The following C2CD2 variants were observed in gnomAD, a reference collection of about 807,000 sequenced individuals.
C2CD2 encodes C2 domain-containing protein 2.
Under a neutral mutation model 74.3 loss-of-function variants are expected in C2CD2, and 43 were observed. The observed-to-expected ratio is 0.58, with a 90% CI of 0.45 to 0.75. The LOEUF (loss-of-function observed/expected upper bound fraction) is 0.75. Among genes scored for constraint, C2CD2 ranks in the 30% least tolerant of loss-of-function variants. C2CD2 has a pLI of 0.00. For missense variants in C2CD2, 801 were observed against 916.3 expected, an observed-to-expected ratio of 0.87 and a Z score of 1.63; for synonymous variants, 422 against 390.7, an observed-to-expected ratio of 1.08 and a Z score of -0.94.
intron 6 of C2CD2, 72 bp downstream of exon 6, chr21:41,914,526 C>T (rs2065065426): frequency 3.5e-6 from 5 of 1,414,856 alleles, no homozygotes; most frequent in Admixed American, 2.2e-5. Flanking sequence ...ATCCAAGGCC[C>T]CCCGGAGCCC....
intron 2 of C2CD2, among the ~76,000 whole-genome samples, chr21:41,928,794 C>A (rs982376093): frequency 2.6e-5 from 4 of 152,082 alleles, no homozygotes; most frequent in Non-Finnish European, 5.9e-5. Flanking sequence ...TGGGTTTCCC[C>A]TAGAGAGGAT....
intron 3 of C2CD2, among the ~76,000 whole-genome samples, chr21:41,920,893 G>C (rs1293634890): frequency 6.6e-6 from 1 of 152,154 alleles, no homozygotes. Context: ...TCAAATGTTG[G>C]GTAAATATGA....
At chr21:41,919,742 C>G (rs1004784399) in intron 3 of C2CD2, among the ~76,000 whole-genome samples, 5 of 152,204 alleles carry the variant, frequency 3.3e-5, no homozygotes, top group African/African-American at 1.2e-4. Context: ...TCTAAGGATG[C>G]CTCATCCCAC....
chr21:41,902,861 C>T (rs939900287), intron 11 of C2CD2, among the ~76,000 whole-genome samples: 5 of 152,132 alleles, frequency 3.3e-5, no homozygotes, highest in Admixed American at 6.5e-5. Context: ...TAATAAGCCC[C>T]TGCACCCCAT....
chr21:41,887,744 G>A lies in C2CD2; in HGVS notation c.*1380C>T, dbSNP rs2064701717. On this transcript the variant is annotated 3_prime_UTR_variant, in exon 14 of 14. Coordinates refer to ENST00000380486, the MANE Select transcript of C2CD2 (RefSeq NM_015500.2). ...TGTTTAAGGATTAACAAGAGGCTAC[G>A]GAAGGAAGCTTGCCCATTTCCGTCT... 1 of 152,232 alleles carries A rather than the reference G, an allele frequency of 6.6e-6. No individual in the cohort carries two copies. Among genetic ancestry groups the A allele is most frequent in the East Asian group, 1.9e-4 (1 of 5,186 alleles). 9.4% of individuals were successfully genotyped at this position (152,232 alleles called of 1,614,324 possible).
At chr21:41,951,669 T>C (rs73221456) in intron 1 of C2CD2, among the ~76,000 whole-genome samples, 9,240 of 152,280 alleles carry the variant, frequency 0.061, 364 homozygotes, top group African/African-American at 0.11. Flanking sequence ...CAAATATTTC[T>C]TTCAGTGTTC....
At chr21:41,913,175 T>C (rs1392929573) in intron 6 of C2CD2, among the ~76,000 whole-genome samples, 1 of 151,038 alleles carries the variant, frequency 6.6e-6, no homozygotes, top group Non-Finnish European at 1.5e-5. Flanking sequence ...CCTCACAGAG[T>C]TCCCATTTCC....
At chr21:41,942,321 T>C in intron 1 of C2CD2, 76 bp from the exon 2 acceptor site, 1 of 1,150,232 alleles carries the variant, frequency 8.7e-7, no homozygotes, top group East Asian at 2.6e-5. Flanking sequence ...CTGTTTAAAG[T>C]TCTGAAAAAT....
Position 41,947,112 on chromosome 21 carries a change from T to TTCTCTCTCTCTCTCTCTCTCTCTCTC in C2CD2, c.280-4893_280-4868dup, listed in dbSNP as rs147753254. ...TTTCTTTCTTTCTTTCCTTTCTCTT[T>TTCTCTCTCTCTCTCTCTCTCTCTCTC]TCTCTCTCTCTCTCTCTCTCTCTCT... On this transcript the variant is annotated intron_variant, in intron 1 of 13. Coordinates refer to ENST00000380486, the MANE Select transcript of C2CD2 (RefSeq NM_015500.2). Among the ~76,000 whole-genome samples, 181 of 26,190 alleles carry TTCTCTCTCTCTCTCTCTCTCTCTCTC rather than the reference T, an allele frequency of 6.9e-3. 25 individuals are homozygous for TTCTCTCTCTCTCTCTCTCTCTCTCTC. The highest frequency in any genetic ancestry group is 9.2e-3 in the Non-Finnish European group (101 of 11,024). The allele number at this position is 26,190 out of a possible 152,430, so 17.2% of individuals were successfully genotyped here.
chr21:41,914,352 T>C (rs2065063536), intron 6 of C2CD2, among the ~76,000 whole-genome samples: 1 of 146,524 alleles, frequency 6.8e-6, no homozygotes, highest in African/African-American at 2.5e-5. Flanking sequence ...TCCAGACAAA[T>C]GAAAAAGGCC....
rs919910016 is a variant in C2CD2, at chr21:41,891,503, A to G, written c.1871-2159T>C. 2.0e-5 allele frequency among the ~76,000 whole-genome samples: 3 copies of G among 152,224 alleles called. No homozygotes were observed. The East Asian group carries it at 5.8e-4, about 29-fold the overall frequency. On this transcript the variant is annotated intron_variant, in intron 13 of 13. Transcript: ENST00000380486. Reference sequence around the variant, plus strand: ...CACCTGCTGGGGAAATGCCCTGGGCATGGTGATAGGGGCTCCCAGGCAGAG... The same window carrying G: ...CACCTGCTGGGGAAATGCCCTGGGCGTGGTGATAGGGGCTCCCAGGCAGAG...
chr21:41,943,437 G>T (rs533666562), intron 1 of C2CD2, among the ~76,000 whole-genome samples: 6 of 152,310 alleles, frequency 3.9e-5, no homozygotes, highest in Middle Eastern at 3.4e-3. Flanking sequence ...CTCTCGAGAG[G>T]CCAAACGTGT....
intron 1 of C2CD2, among the ~76,000 whole-genome samples, chr21:41,949,320 T>C (rs2065431154): frequency 6.6e-6 from 1 of 152,208 alleles, no homozygotes; most frequent in Non-Finnish European, 1.5e-5. Flanking sequence ...AAAGCTCAAC[T>C]GCTGCTTTTG....
At chr21:41,927,899 C>T (rs1191505130) in intron 2 of C2CD2, among the ~76,000 whole-genome samples, 2 of 152,154 alleles carry the variant, frequency 1.3e-5, no homozygotes, top group Non-Finnish European at 2.9e-5. Context: ...GGGGCTCCTG[C>T]GTCAACCTGA....
intron 11 of C2CD2, among the ~76,000 whole-genome samples, chr21:41,904,347 A>C (rs2064935485): frequency 6.6e-6 from 1 of 152,180 alleles, no homozygotes; most frequent in Non-Finnish European, 1.5e-5. Context: ...AAACTCGTGA[A>C]TAATCCACCA....
chr21:41,927,617 C>T (rs1569076401), intron 2 of C2CD2, among the ~76,000 whole-genome samples: 1 of 151,666 alleles, frequency 6.6e-6, no homozygotes, highest in Admixed American at 6.6e-5. Context: ...ACTACAGGCA[C>T]GTGCCACCAC....
chr21:41,917,376 CATA>C (rs1316240202), intron 5 of C2CD2, among the ~76,000 whole-genome samples: 1 of 152,168 alleles, frequency 6.6e-6, no homozygotes, highest in Non-Finnish European at 1.5e-5. Context: ...TATCATGCTA[CATA>C]AAACCACTGC....
chr21:41,948,521 G>A (rs573136288), intron 1 of C2CD2, among the ~76,000 whole-genome samples: 42 of 152,274 alleles, frequency 2.8e-4, no homozygotes, highest in African/African-American at 8.2e-4. Flanking sequence ...GGAATGACCC[G>A]TGGGAAGGCC....
Position 41,892,079 on chromosome 21 carries a change from C to T in C2CD2, c.1871-2735G>A, listed in dbSNP as rs1231453981. 6.6e-6 allele frequency among the ~76,000 whole-genome samples: 1 copy of T among 150,900 alleles called. No homozygotes were observed. Among genetic ancestry groups the T allele is most frequent in the Admixed American group, 6.7e-5 (1 of 15,036 alleles). ...ATGGGGTCCTTGCAGAAGTCATCAACTTAAAATTAGATCATTGGGGTGGCC... is the reference window on the plus strand; with the variant it reads ...ATGGGGTCCTTGCAGAAGTCATCAATTTAAAATTAGATCATTGGGGTGGCC... On this transcript the variant is annotated intron_variant, in intron 13 of 13. Coordinates refer to ENST00000380486, the MANE Select transcript of C2CD2 (RefSeq NM_015500.2). The surrounding 1 kb of genome is among the most constrained non-coding windows in gnomAD (Gnocchi z 4.6).
Sources: allele counts gnomAD v4.1 joint callset (sites outside exome capture counted in the v4.1 genomes callset), GRCh38; gene constraint gnomAD v4.1.1; non-coding constraint Gnocchi (gnomAD v3.1); transcripts MANE v1.5; gene names NCBI Gene and HGNC (gene_info 2026-07-23, HGNC 2026-07-21).